ZNF584: variants seen among roughly 807,000 people sequenced by gnomAD.
The protein encoded by ZNF584 is zinc finger protein 584.
Under a neutral mutation model 14.7 loss-of-function variants are expected in ZNF584, and 12 were observed. That is an observed-to-expected ratio of 0.82 (90% CI 0.52 to 1.32). The LOEUF (loss-of-function observed/expected upper bound fraction) is 1.32. Among genes scored for constraint, ZNF584 ranks in the 40% most tolerant of loss-of-function variants. ZNF584 has a pLI of 0.00. For synonymous variants in ZNF584, 204 were observed against 190.9 expected, an observed-to-expected ratio of 1.07 and a Z score of -0.57; for missense variants, 478 against 518.8, an observed-to-expected ratio of 0.92 and a Z score of 0.76.
intron 2 of ZNF584, among the ~76,000 whole-genome samples, chr19:58,411,962 T>C (rs1325463824): frequency 6.7e-6 from 1 of 149,156 alleles, no homozygotes; most frequent in African/African-American, 2.5e-5. Flanking sequence ...TTCCCTGTCA[T>C]GGCTTATAAT....
Position 58,418,009 on chromosome 19 carries a change from C to T in ZNF584, c.*225C>T. On this transcript the variant is annotated 3_prime_UTR_variant, in exon 4 of 4. Transcript: ENST00000306910. ...CACTGAGTTTATCCACCGCCATCCA[C>T]CTCTATCCACCCCATAAGGTCCCTA... is the stretch of plus-strand genomic sequence containing the variant. 1.8e-6 allele frequency: 1 copy of T among 571,092 alleles called. No individual in the cohort carries two copies. Among genetic ancestry groups the T allele is most frequent in the Non-Finnish European group, 3.1e-6 (1 of 323,818 alleles). The allele number at this position is 571,092 out of a possible 1,614,324, so 35.4% of individuals were successfully genotyped here.
chr19:58,410,778 ATTTTTTT>A (rs869150389), intron 2 of ZNF584, among the ~76,000 whole-genome samples: 7 of 8,944 alleles, frequency 7.8e-4, no homozygotes, highest in Admixed American at 1.4e-3. Flanking sequence ...TATATATATA[ATTTTTTT>A]TTTTTTTTTT....
chr19:58,411,462 G>A (rs1185372338), intron 2 of ZNF584, among the ~76,000 whole-genome samples: 5 of 150,644 alleles, frequency 3.3e-5, no homozygotes, highest in Non-Finnish European at 7.4e-5. Flanking sequence ...GGAGGTGGAG[G>A]TTGCAGTGAG....
upstream of ZNF584, chr19:58,404,446 T>C (rs1237005132): frequency 6.4e-6 from 1 of 155,288 alleles, no homozygotes; most frequent in Non-Finnish European, 1.4e-5. Context: ...TTAAGGAGCA[T>C]GCTGCCTTCA....
At chr19:58,403,902 G>T (rs1217846630), upstream of ZNF584, among the ~76,000 whole-genome samples, 5 of 145,620 alleles carry the variant, frequency 3.4e-5, no homozygotes, top group Non-Finnish European at 7.4e-5. Context: ...GGAGGCGGAG[G>T]TTACTGTGAG....
At chr19:58,415,385 T>A in intron 2 of ZNF584, 139 bp from the exon 3 acceptor site, 1 of 832,682 alleles carries the variant, frequency 1.2e-6, no homozygotes, top group South Asian at 1.7e-5. Flanking sequence ...TTTTGTAGAG[T>A]TGGGGTCTTA....
At chr19:58,407,851 G>A (rs886529648), upstream of ZNF584, among the ~76,000 whole-genome samples, 2 of 152,166 alleles carry the variant, frequency 1.3e-5, no homozygotes, top group Non-Finnish European at 2.9e-5. Context: ...CTGACCCCGT[G>A]CTCTGACGTA....
At chr19:58,402,637 A>G (rs1599940533) in intron 1 of ZNF584, among the ~76,000 whole-genome samples, 1 of 152,090 alleles carries the variant, frequency 6.6e-6, no homozygotes, top group Non-Finnish European at 1.5e-5. Context: ...AGCCTGACCA[A>G]CATGGAGAAA....
In ZNF584 at chr19:58,410,545, A is replaced by G. The variant is rs1324208046; in HGVS notation, c.169+454A>G. Among the ~76,000 whole-genome samples the G allele has an allele frequency of 3.7e-3, 113 of 30,578 alleles. 10 individuals carry two copies. Among genetic ancestry groups the G allele is most frequent in the Non-Finnish European group, 4.6e-3 (78 of 16,954 alleles). The allele number at this position is 30,578 out of a possible 152,430, so 20.1% of individuals were successfully genotyped here. ...TATATATATATATATATATATATAT[A>G]TATATATATATATGTGTATATATAT... On this transcript the variant is annotated intron_variant, in intron 2 of 3. Coordinates refer to ENST00000306910, the MANE Select transcript of ZNF584 (RefSeq NM_173548.3).
chr19:58,417,889 C>T lies in ZNF584; in HGVS notation c.*105C>T. 1 of 1,396,392 alleles carries T rather than the reference C, an allele frequency of 7.2e-7. No individual in the cohort carries two copies. The highest frequency in any genetic ancestry group is 2.3e-5 in the East Asian group (1 of 43,654). 86.5% of individuals were successfully genotyped at this position (1,396,392 alleles called of 1,614,324 possible). On this transcript the variant is annotated 3_prime_UTR_variant, in exon 4 of 4. Transcript: ENST00000306910. The stretch of plus-strand genomic sequence containing the variant: ...TAAACCTTGCACATCCCAACACCCA[C>T]CCCAGGGAGAGTTCCCGTGTGTGCC...
At chr19:58,416,706 CAG>C (rs2052646730) in intron 3 of ZNF584, 103 bp from the exon 4 acceptor site, 1 of 1,413,198 alleles carries the variant, frequency 7.1e-7, no homozygotes, top group African/African-American at 1.4e-5. Flanking sequence ...CTGGCCCTTT[CAG>C]CAGTTCTATG....
rs779159905 is a variant in ZNF584, at chr19:58,417,802, A to G, written c.*18A>G. The G allele has an allele frequency of 9.5e-6, 15 of 1,578,612 alleles. No individual in the cohort carries two copies. The highest frequency in any genetic ancestry group is 9.5e-6 in the Non-Finnish European group (11 of 1,163,040). Reference sequence around the variant, plus strand: ...GCTGCTAGCACCGTGTTCATCAGGAAAGGTCTTATTCCAGAAAGGAGGTTA... The same window carrying G: ...GCTGCTAGCACCGTGTTCATCAGGAGAGGTCTTATTCCAGAAAGGAGGTTA... On this transcript the variant is annotated 3_prime_UTR_variant, in exon 4 of 4. Coordinates refer to ENST00000306910, the MANE Select transcript of ZNF584 (RefSeq NM_173548.3).
Position 58,403,488 on chromosome 19 carries a change from G to C in ZNF584, n.92+1826G>C, listed in dbSNP as rs1210894391. ...AAGGTAAAGCTATAGAGACAGTAAA[G>C]CAGTGACTGCCAGGGACTCAGTGGG... On this transcript the variant is annotated intron_variant and non_coding_transcript_variant, in intron 1 of 3. Transcript: ENST00000594993. Among the ~76,000 whole-genome samples the C allele has an allele frequency of 2.2e-5, 3 of 137,486 alleles. No individual in the cohort carries two copies. The East Asian group carries it at 7.8e-4, about 36-fold the overall frequency. The allele number at this position is 137,486 out of a possible 152,430, so 90.2% of individuals were successfully genotyped here. A position where few individuals can be genotyped will look rare whatever the true frequency, so the allele number is the denominator to read the frequency against.
chr19:58,402,524 T>G (rs1381016620), intron 1 of ZNF584, among the ~76,000 whole-genome samples: 1 of 152,204 alleles, frequency 6.6e-6, no homozygotes, highest in Non-Finnish European at 1.5e-5. Context: ...TTTGCCCATT[T>G]TGAGTGTACA....
upstream of ZNF584, chr19:58,407,097 G>T (rs899571190): frequency 6.6e-6 from 1 of 152,426 alleles, no homozygotes; most frequent in African/African-American, 2.4e-5. Context: ...TGGGCACCAG[G>T]TGTGAGAACA....
At chr19:58,416,212 C>T in intron 3 of ZNF584, 1 of 347,190 alleles carries the variant, frequency 2.9e-6, no homozygotes, top group Admixed American at 4.2e-5. Context: ...CTTTCCCAAC[C>T]CAGACCTTTC....
intron 2 of ZNF584, among the ~76,000 whole-genome samples, chr19:58,413,816 C>T (rs1016023185): frequency 7.3e-5 from 11 of 150,782 alleles, no homozygotes; most frequent in African/African-American, 2.7e-4. Flanking sequence ...TTTTTCTTTT[C>T]TTTTCTTTTT....
In ZNF584 at chr19:58,417,406, G is replaced by A; in HGVS notation, c.888G>A (p.Arg296=). 6.2e-7 allele frequency: 1 copy of A among 1,603,596 alleles called. No individual in the cohort carries two copies. The highest frequency in any genetic ancestry group is 1.1e-5 in the South Asian group (1 of 90,794). The change falls in exon 4 of 4, where the codon AGG becomes AGA. Residue 296 remains arginine (R), a synonymous_variant. Coordinates refer to ENST00000306910, the MANE Select transcript of ZNF584 (RefSeq NM_173548.3). The part of the protein sequence containing the change: ...IRHRKVHIGE[R]PYECTECGKF... ...ACCGGAAAGTGCACATTGGAGAAAG[G>A]CCCTATGAGTGTACAGAATGTGGGA...
At chr19:58,414,674 T>G (rs1161438113) in intron 2 of ZNF584, among the ~76,000 whole-genome samples, 2 of 152,078 alleles carry the variant, frequency 1.3e-5, no homozygotes, top group African/African-American at 4.8e-5. Context: ...AAATGGTATG[T>G]TCTGAAGACC....
Sources: gnomAD v4.1 joint callset for allele counts (sites outside exome capture counted in the v4.1 genomes callset) on GRCh38, gnomAD v4.1.1 for gene constraint, MANE v1.5 for transcripts, NCBI Gene and HGNC (gene_info 2026-07-23, HGNC 2026-07-21) for gene names.